Variants in KLRG1 observed in about 807,000 individuals in gnomAD.
KLRG1 encodes the protein killer cell lectin like receptor G1.
In KLRG1, 16 loss-of-function variants were observed where a neutral mutation model predicts 21.8. The ratio of observed to expected loss-of-function variants is 0.73; its 90% confidence interval spans 0.50 to 1.11. KLRG1 has a LOEUF of 1.11. Among genes scored for constraint, KLRG1 ranks in the 50% most tolerant of loss-of-function variants. The probability of loss-of-function intolerance (pLI) is 0.00; values close to 1 mark genes in which losing one functional copy is unlikely to be tolerated. For synonymous variants in KLRG1, 69 were observed against 75.9 expected (o/e 0.91, Z 0.47); for missense variants, 173 against 218.3 (o/e 0.79, Z 1.31).
chr12:9,202,686 T>TA, the KLRG1 span: 174 of 1,612,450 alleles, frequency 1.1e-4, no homozygotes, highest in South Asian at 1.8e-3. Context: ...CCTTGGGAGC[T>TA]AAAAAGCAAA....
the KLRG1 span, among the ~76,000 whole-genome samples, chr12:9,209,010 C>CT: frequency 6.6e-6 from 1 of 151,710 alleles, no homozygotes; most frequent in Admixed American, 6.6e-5. Context: ...TCTGAGCACT[C>CT]TAACGTTTGA....
chr12:9,196,896 T>C, the KLRG1 span: 4 of 900,036 alleles, frequency 4.4e-6, no homozygotes, highest in Middle Eastern at 4.5e-4. Context: ...AAATTCGTTT[T>C]TTGGTGGGGG....
At chr12:9,136,403 G>A in the KLRG1 span, among the ~76,000 whole-genome samples, 4 of 152,112 alleles carry the variant, frequency 2.6e-5, no homozygotes, top group Admixed American at 2.0e-4. Flanking sequence ...TACAGTTCGT[G>A]TATATTGATT....
the KLRG1 span, among the ~76,000 whole-genome samples, chr12:9,037,919 G>A: frequency 6.6e-6 from 1 of 152,158 alleles, no homozygotes; most frequent in Non-Finnish European, 1.5e-5. Flanking sequence ...AAACAAAGTT[G>A]CTTAGGGTTA....
the KLRG1 span, among the ~76,000 whole-genome samples, chr12:9,039,584 C>T: frequency 6.6e-6 from 1 of 152,094 alleles, no homozygotes; most frequent in African/African-American, 2.4e-5. Flanking sequence ...GATTTAACTG[C>T]CCTCTTTCGG....
At chr12:9,077,683 A>G in the KLRG1 span, 1 of 1,611,626 alleles carries the variant, frequency 6.2e-7, no homozygotes, top group South Asian at 1.1e-5. Context: ...AATCAAAACT[A>G]GCTCCAGAAT....
the KLRG1 span, among the ~76,000 whole-genome samples, chr12:9,191,751 T>G: frequency 6.6e-6 from 1 of 152,114 alleles, no homozygotes; most frequent in Admixed American, 6.5e-5. Context: ...ATTCTTGAAG[T>G]GAATCCAATT....
At chr12:9,143,519 G>A in the KLRG1 span, among the ~76,000 whole-genome samples, 1 of 152,060 alleles carries the variant, frequency 6.6e-6, no homozygotes, top group South Asian at 2.1e-4. Context: ...GGAGAAACCT[G>A]GGGAGGGTTT....
chr12:9,133,331 A>G, the KLRG1 span, among the ~76,000 whole-genome samples: 12 of 152,206 alleles, frequency 7.9e-5, no homozygotes, highest in Non-Finnish European at 5.9e-5. Flanking sequence ...AAAGCAATCA[A>G]GTGGAGAGAT....
the KLRG1 span, among the ~76,000 whole-genome samples, chr12:9,099,129 A>G: frequency 6.6e-6 from 1 of 152,134 alleles, no homozygotes; most frequent in African/African-American, 2.4e-5. Flanking sequence ...CCAACGTTTC[A>G]TCATAGAAGA....
At chr12:9,135,499 A>G in the KLRG1 span, 4 of 361,024 alleles carry the variant, frequency 1.1e-5, no homozygotes, top group African/African-American at 4.5e-5. Flanking sequence ...CAGCACCGAC[A>G]TACAAATGGT....
chr12:9,193,405 A>G, the KLRG1 span, among the ~76,000 whole-genome samples: 4 of 152,188 alleles, frequency 2.6e-5, no homozygotes, highest in Admixed American at 6.5e-5. Flanking sequence ...TTGCGCATAA[A>G]CACATCATAC....
chr12:8,950,099 G>A (rs1026644201), exon 1 of KLRG1: 1 of 152,212 alleles, frequency 6.6e-6, no homozygotes, highest in African/African-American at 2.4e-5. Flanking sequence ...CCGCCTGAGA[G>A]GGACGCTGTT....
chr12:9,119,075 G>A, the KLRG1 span, among the ~76,000 whole-genome samples: 2 of 152,182 alleles, frequency 1.3e-5, no homozygotes, highest in Non-Finnish European at 2.9e-5. Flanking sequence ...GCTTTAGTAA[G>A]AGAATAGTCA....
chr12:8,990,608 G>C (rs1946939391), intron 1 of KLRG1, among the ~76,000 whole-genome samples: 1 of 151,668 alleles, frequency 6.6e-6, no homozygotes, highest in East Asian at 1.9e-4. Context: ...TCCTATTTTT[G>C]AATTGTATCT....
At chr12:9,036,114 AC>A in the KLRG1 span, among the ~76,000 whole-genome samples, 2 of 152,244 alleles carry the variant, frequency 1.3e-5, no homozygotes, top group Non-Finnish European at 2.9e-5. Flanking sequence ...CATGTAACAA[AC>A]CTGCACATGT....
intron 3 of KLRG1, chr12:8,996,512 G>C (rs901885358): frequency 1.3e-5 from 2 of 152,052 alleles, no homozygotes; most frequent in Admixed American, 1.3e-4. Flanking sequence ...GAAAAATCCA[G>C]AGGTTACTCT....
chr12:8,980,341 C>A (rs116667699), intron 1 of KLRG1, among the ~76,000 whole-genome samples: 2,175 of 152,148 alleles, frequency 0.014, 65 homozygotes, highest in African/African-American at 0.05. Flanking sequence ...GCTTACTGAG[C>A]CTCTTTAAAA....
At chr12:9,177,887 A>G in the KLRG1 span, among the ~76,000 whole-genome samples, 1 of 152,226 alleles carries the variant, frequency 6.6e-6, no homozygotes, top group Non-Finnish European at 1.5e-5. Context: ...TGAAATTAAT[A>G]GCTTAGACTA....
Sources: gnomAD v4.1 joint callset for allele counts (sites outside exome capture counted in the v4.1 genomes callset) on GRCh38, gnomAD v4.1.1 for gene constraint, MANE v1.5 for transcripts, NCBI Gene and HGNC (gene_info 2026-07-23, HGNC 2026-07-21) for gene names.